The following DLGAP2 variants were observed in gnomAD, a reference collection of about 807,000 sequenced individuals.
DLGAP2 encodes DLG associated protein 2, also known as disks large-associated protein 2.
In DLGAP2, 26 loss-of-function variants were observed where a neutral mutation model predicts 100.3. The observed-to-expected ratio is 0.26, with a 90% CI of 0.19 to 0.36. The LOEUF (loss-of-function observed/expected upper bound fraction) is 0.36, where lower values mean the gene tolerates loss of function less well. Ranked by LOEUF, DLGAP2 falls within the 10% of genes least tolerant of loss-of-function variation. DLGAP2 has a pLI of 1.00. For missense variants in DLGAP2, 1,858 were observed against 1,453.2 expected, an observed-to-expected ratio of 1.28 and a Z score of -4.53; for synonymous variants, 886 against 630.1, an observed-to-expected ratio of 1.41 and a Z score of -6.08.
In DLGAP2 at chr8:1,633,894, C is replaced by T. The variant is rs544136445; in HGVS notation, c.1810+848C>T. The stretch of plus-strand genomic sequence containing the variant: ...TGTTCATGATGAATAGCATTAGGAA[C>T]AGCAGACACATAACAGGAGAGAAGC... On this transcript the variant is annotated intron_variant, in intron 8 of 14. Coordinates refer to ENST00000637795, the MANE Select transcript of DLGAP2 (RefSeq NM_001346810.2). Among the ~76,000 whole-genome samples the T allele has an allele frequency of 2.0e-5, 3 of 152,290 alleles. No individual in the cohort carries two copies. In the South Asian group the frequency reaches 6.2e-4, roughly 32 times the overall value.
At chr8:1,613,595 C>T (rs535922965) in intron 6 of DLGAP2, among the ~76,000 whole-genome samples, 35 of 151,940 alleles carry the variant, frequency 2.3e-4, no homozygotes, top group African/African-American at 8.2e-4. Flanking sequence ...AATTTATGCA[C>T]TGCGCACCCA....
intron 3 of DLGAP2, among the ~76,000 whole-genome samples, chr8:1,476,628 T>C (rs4876064): frequency 0.66 from 99,982 of 152,016 alleles, 33,229 homozygotes; most frequent in African/African-American, 0.72. Context: ...TCTCCCCCTC[T>C]CCTGGAGCCG....
chr8:1,493,293 G>A (rs1383459118), intron 3 of DLGAP2, among the ~76,000 whole-genome samples: 1 of 151,540 alleles, frequency 6.6e-6, no homozygotes, highest in Non-Finnish European at 1.5e-5. Context: ...GTGGACGGAG[G>A]GCACAGACGG....
intron 2 of DLGAP2, among the ~76,000 whole-genome samples, chr8:1,193,786 G>A (rs1269834474): frequency 5.9e-5 from 9 of 152,064 alleles, no homozygotes; most frequent in South Asian, 2.1e-4. Context: ...TAGAGCCTCC[G>A]CACCATGCCC....
intron 2 of DLGAP2, among the ~76,000 whole-genome samples, chr8:1,091,086 C>T (rs150921771): frequency 5.5e-4 from 84 of 152,256 alleles, no homozygotes; most frequent in African/African-American, 1.8e-3. Flanking sequence ...CACAGGGCTC[C>T]GGGCAGCCTG....
At chr8:1,548,496 G>A in intron 4 of DLGAP2, 130 bp from the exon 5 acceptor site, 2 of 363,476 alleles carry the variant, frequency 5.5e-6, no homozygotes, top group Non-Finnish European at 9.3e-6. Flanking sequence ...CCACAAATCT[G>A]CCCTCTCGAG....
rs1219324182 is a variant in DLGAP2, at chr8:1,364,512, G to GA, written c.106+105629_106+105630insA. On this transcript the variant is annotated intron_variant, in intron 3 of 14. Coordinates refer to ENST00000637795, the MANE Select transcript of DLGAP2 (RefSeq NM_001346810.2). ...CGGTCATGGGAAGGGCGGGGGGGGTGCAGCGAAGCAGACACATTTTCCCTG... is the reference window on the plus strand; with the variant it reads ...CGGTCATGGGAAGGGCGGGGGGGGTGACAGCGAAGCAGACACATTTTCCCTG... 5.0e-5 allele frequency among the ~76,000 whole-genome samples: 7 copies of GA among 140,958 alleles called. 1 individual carries two copies. Among genetic ancestry groups the GA allele is most frequent in the African/African-American group, 1.9e-4 (7 of 36,230 alleles). 92.5% of individuals were successfully genotyped at this position (140,958 alleles called of 152,430 possible).
intron 4 of DLGAP2, among the ~76,000 whole-genome samples, chr8:1,511,584 A>G (rs911878871): frequency 6.9e-5 from 10 of 144,772 alleles, no homozygotes; most frequent in African/African-American, 1.6e-4. Context: ...AAGACAGTCA[A>G]TAGATGACCA....
intron 2 of DLGAP2, among the ~76,000 whole-genome samples, chr8:1,145,719 C>T (rs1937592994): frequency 6.7e-6 from 1 of 149,412 alleles, no homozygotes; most frequent in Non-Finnish European, 1.5e-5. Flanking sequence ...CCCATTAACT[C>T]GTCATTTAGC....
chr8:1,525,030 C>A (rs1405075211), intron 4 of DLGAP2, among the ~76,000 whole-genome samples: 1 of 152,056 alleles, frequency 6.6e-6, no homozygotes, highest in Non-Finnish European at 1.5e-5. Context: ...CTTTCATTTG[C>A]CTTTACTTTG....
intron 3 of DLGAP2, among the ~76,000 whole-genome samples, chr8:1,317,644 TCGG>T (rs1441913309): frequency 3.5e-5 from 5 of 141,948 alleles, no homozygotes; most frequent in Non-Finnish European, 6.1e-5. Flanking sequence ...CTCGAGACAC[TCGG>T]CAGCGTTTAA....
rs73532331 is a variant in DLGAP2, at chr8:826,547, G to A, written c.19-81365G>A. Among the ~76,000 whole-genome samples the A allele has an allele frequency of 6.9e-3, 1,055 of 152,126 alleles. 11 individuals carry two copies. Among genetic ancestry groups the A allele is most frequent in the African/African-American group, 0.024 (999 of 41,476 alleles). Reference sequence around the variant, plus strand: ...TTCCCTGTGAATTTTCACCTTTTTGGGTGCTGGGTATTTTGTGTTTCTGTG... The same window carrying A: ...TTCCCTGTGAATTTTCACCTTTTTGAGTGCTGGGTATTTTGTGTTTCTGTG... On this transcript the variant is annotated intron_variant, in intron 1 of 14. Transcript: ENST00000637795.
chr8:1,365,094 TA>T (rs1345612285), intron 3 of DLGAP2, among the ~76,000 whole-genome samples: 1 of 152,148 alleles, frequency 6.6e-6, no homozygotes, highest in Non-Finnish European at 1.5e-5. Flanking sequence ...CACGTTTTTA[TA>T]AAGTAGATGC....
chr8:1,082,050 A>C (rs1242430131), intron 2 of DLGAP2, among the ~76,000 whole-genome samples: 1 of 152,168 alleles, frequency 6.6e-6, no homozygotes, highest in Admixed American at 6.5e-5. Flanking sequence ...CTGTGCAGGA[A>C]GAAATGCACC....
At chr8:1,597,696 T>G (rs906120722) in intron 6 of DLGAP2, among the ~76,000 whole-genome samples, 1 of 152,228 alleles carries the variant, frequency 6.6e-6, no homozygotes, top group Admixed American at 6.5e-5. Context: ...CAGGAATGCT[T>G]GTGATTTTTG....
At position 1,626,136 on chromosome 8, in the gene DLGAP2, C is replaced by T. The variant is rs111871130; in HGVS notation, c.1443-604C>T. On this transcript the variant is annotated intron_variant, in intron 6 of 14. Coordinates refer to ENST00000637795, the MANE Select transcript of DLGAP2 (RefSeq NM_001346810.2). ...GGCTGTTCCCACCTCTGCCCTGTGG[C>T]GGGTGCTCAGCCTCTGGGTGTGGGT... 9.4e-4 allele frequency among the ~76,000 whole-genome samples: 81 copies of T among 85,904 alleles called. 2 individuals are homozygous for T. The highest frequency in any genetic ancestry group is 3.8e-3 in the South Asian group (8 of 2,114). 56.4% of individuals were successfully genotyped at this position (85,904 alleles called of 152,430 possible).
At chr8:1,664,877 TAGAA>T (rs1798504466) in intron 8 of DLGAP2, among the ~76,000 whole-genome samples, 2 of 152,226 alleles carry the variant, frequency 1.3e-5, no homozygotes, top group South Asian at 2.1e-4. Context: ...CACACACACT[TAGAA>T]AGAGCATCAT....
intron 11 of DLGAP2, among the ~76,000 whole-genome samples, chr8:1,677,472 G>C (rs1229355469): frequency 6.6e-6 from 1 of 152,170 alleles, no homozygotes; most frequent in Non-Finnish European, 1.5e-5. Context: ...GGTTCAGCCT[G>C]CAGAGCCACA....
chr8:1,119,785 G>C (rs926293867), intron 2 of DLGAP2, among the ~76,000 whole-genome samples: 2 of 152,260 alleles, frequency 1.3e-5, no homozygotes, highest in Admixed American at 1.3e-4. Context: ...GTTGGTACAA[G>C]TTGTGAGAGT....
Sources: allele counts gnomAD v4.1 joint callset (sites outside exome capture counted in the v4.1 genomes callset), GRCh38; gene constraint gnomAD v4.1.1; transcripts MANE v1.5; gene names NCBI Gene and HGNC (gene_info 2026-07-23, HGNC 2026-07-21).